ENTPD7: variants seen among roughly 807,000 people sequenced by gnomAD.
ENTPD7 encodes ectonucleoside triphosphate diphosphohydrolase 7.
A neutral mutation model predicts 77.9 loss-of-function variants in ENTPD7; 53 were observed. That is an observed-to-expected ratio of 0.68 (90% CI 0.55 to 0.85). ENTPD7 has a LOEUF of 0.85. Ranked by LOEUF, ENTPD7 falls within the 40% of genes least tolerant of loss-of-function variation. The pLI, the probability that ENTPD7 is intolerant of heterozygous loss-of-function variation, is 0.00. For missense variants in ENTPD7, 636 were observed against 743.7 expected (o/e 0.86, Z 1.68); for synonymous variants, 248 against 274.9 (o/e 0.90, Z 0.97).
intron 3 of ENTPD7, among the ~76,000 whole-genome samples, chr10:99,661,968 A>G (rs369992348): frequency 8.6e-4 from 131 of 152,308 alleles, no homozygotes; most frequent in African/African-American, 2.6e-3. Context: ...TTGCTCTGAA[A>G]TCTACTAGTC....
chr10:99,678,329 G>A (rs1182859654), intron 3 of ENTPD7, among the ~76,000 whole-genome samples: 6 of 151,774 alleles, frequency 4.0e-5, no homozygotes, highest in African/African-American at 7.2e-5. Flanking sequence ...TTAGCCAGGC[G>A]TGGTGGCGGG....
chr10:99,709,173 C>G lies in ENTPD7; in HGVS notation c.*4490C>G. 1 of 985,298 alleles carries G rather than the reference C, an allele frequency of 1.0e-6. No homozygotes were observed. The highest frequency in any genetic ancestry group is 6.1e-5 in the Admixed American group (1 of 16,280). The allele number at this position is 985,298 out of a possible 1,614,324, so 61.0% of individuals were successfully genotyped here. Reference sequence around the variant, plus strand: ...TACAGCCTAGATGAAGGTATAAATGCCTATTACATCTACCTCATTAAAGAA... The same window carrying G: ...TACAGCCTAGATGAAGGTATAAATGGCTATTACATCTACCTCATTAAAGAA... On this transcript the variant is annotated 3_prime_UTR_variant, in exon 13 of 13. Transcript: ENST00000370489.
chr10:99,672,657 C>T (rs908025081), intron 3 of ENTPD7, among the ~76,000 whole-genome samples: 7 of 152,146 alleles, frequency 4.6e-5, no homozygotes, highest in Admixed American at 2.6e-4. Context: ...TATAGATGTT[C>T]CTGACTGCTC....
At chr10:99,680,848 A>G (rs2035744769) in intron 5 of ENTPD7, among the ~76,000 whole-genome samples, 1 of 152,164 alleles carries the variant, frequency 6.6e-6, no homozygotes, top group Non-Finnish European at 1.5e-5. Context: ...GAGCGCTGGG[A>G]TTTCAAGCGT....
chr10:99,707,653 G>T lies in ENTPD7; in HGVS notation c.*2970G>T, dbSNP rs538549571. ...GAACCTGAACTGTTTTAGGACTCTT[G>T]TTATTACTGAGACAGGTCACAAACA... On this transcript the variant is annotated 3_prime_UTR_variant, in exon 13 of 13. Transcript: ENST00000370489. Among the ~76,000 whole-genome samples, 4 of 152,302 alleles carry T rather than the reference G, an allele frequency of 2.6e-5. No individual in the cohort carries two copies. The South Asian group carries it at 8.3e-4, about 32-fold the overall frequency.
At chr10:99,680,289 C>G (rs2035736266) in intron 5 of ENTPD7, among the ~76,000 whole-genome samples, 1 of 152,162 alleles carries the variant, frequency 6.6e-6, no homozygotes, top group African/African-American at 2.4e-5. Context: ...TACTGCAAAG[C>G]TCAGTCTCCA....
chr10:99,704,613 C>T lies in ENTPD7; in HGVS notation c.1745C>T (p.Ala582Val). 6.2e-7 allele frequency: 1 copy of T among 1,614,190 alleles called. No homozygotes were observed. The highest frequency in any genetic ancestry group is 8.5e-7 in the Non-Finnish European group (1 of 1,180,038). The change falls in exon 13 of 13, where the codon GCC becomes GTC. Residue 582 changes from alanine (A) to valine (V), a missense_variant. Physicochemically the swap from Ala to Val is moderately conservative, Grantham distance 64 (BLOSUM62 0). Transcript: ENST00000370489. ...LRRIHHRQTRASAPLDLLWLE... is the reference protein window; with the variant it reads ...LRRIHHRQTRVSAPLDLLWLE... ...CGAATTCACCACCGACAAACACGAG[C>T]CTCAGCTCCATTGGACTTGCTGTGG...
At chr10:99,664,740 T>C (rs2035528482) in intron 3 of ENTPD7, among the ~76,000 whole-genome samples, 1 of 151,514 alleles carries the variant, frequency 6.6e-6, no homozygotes, top group Non-Finnish European at 1.5e-5. Context: ...TGAGCCACCA[T>C]GCCTGGCCTA....
intron 3 of ENTPD7, among the ~76,000 whole-genome samples, chr10:99,665,024 G>T (rs1330676153): frequency 6.6e-6 from 1 of 151,946 alleles, no homozygotes; most frequent in Non-Finnish European, 1.5e-5. Context: ...GCGGAGGCAG[G>T]TGGATTGCAC....
intron 6 of ENTPD7, among the ~76,000 whole-genome samples, chr10:99,688,461 C>A (rs1304110846): frequency 6.6e-6 from 1 of 152,030 alleles, no homozygotes; most frequent in East Asian, 1.9e-4. Context: ...ACTTCTTAGA[C>A]ATTTGTTATA....
intron 5 of ENTPD7, among the ~76,000 whole-genome samples, chr10:99,684,683 T>C (rs1444696033): frequency 6.6e-6 from 1 of 152,244 alleles, no homozygotes; most frequent in African/African-American, 2.4e-5. Context: ...TGAATATTTT[T>C]TAATCCAAGA....
rs190725013 is a variant in ENTPD7 at position 99,706,224 on chromosome 10, A to C, written c.*1541A>C. 3.5e-4 allele frequency: 53 copies of C among 152,370 alleles called. No individual in the cohort carries two copies. The highest frequency in any genetic ancestry group is 6.2e-4 in the Non-Finnish European group (42 of 68,036). 9.4% of individuals were successfully genotyped at this position (152,370 alleles called of 1,614,324 possible). A position where few individuals can be genotyped will look rare whatever the true frequency, so the allele number is the denominator to read the frequency against. On this transcript the variant is annotated 3_prime_UTR_variant, in exon 13 of 13. Transcript: ENST00000370489. ...AGAAATTAAGATCATCCTAGAAATA[A>C]ACTAAGATAAAAATAAGTATACTGA... is the stretch of plus-strand genomic sequence containing the variant.
chr10:99,710,495 A>G lies in ENTPD7; in HGVS notation c.*5812A>G, dbSNP rs2036347091. On this transcript the variant is annotated 3_prime_UTR_variant, in exon 13 of 13. Coordinates refer to ENST00000370489, the MANE Select transcript of ENTPD7 (RefSeq NM_020354.5). Reference sequence around the variant, plus strand: ...CTGCCTGTATTACATTGCTTTGGGGAGTTGTTAAGACTCTGTTTTTTCTAC... The same window carrying G: ...CTGCCTGTATTACATTGCTTTGGGGGGTTGTTAAGACTCTGTTTTTTCTAC... The G allele has an allele frequency of 1.0e-6, 1 of 985,220 alleles. No individual in the cohort carries two copies. Among genetic ancestry groups the G allele is most frequent in the Non-Finnish European group, 1.2e-6 (1 of 829,924 alleles). 61.0% of individuals were successfully genotyped at this position (985,220 alleles called of 1,614,324 possible).
chr10:99,695,531 A>G (rs1248398772), intron 8 of ENTPD7, among the ~76,000 whole-genome samples: 1 of 151,836 alleles, frequency 6.6e-6, no homozygotes, highest in Non-Finnish European at 1.5e-5. Context: ...AAAAAAAAAA[A>G]GAAAAGAAAA....
chr10:99,675,032 A>G (rs1012753365), intron 3 of ENTPD7, among the ~76,000 whole-genome samples: 27 of 152,234 alleles, frequency 1.8e-4, no homozygotes, highest in Admixed American at 7.9e-4. Context: ...TTTTTGAATT[A>G]TGAGGTAAAC....
At chr10:99,674,557 C>G (rs2035657080) in intron 3 of ENTPD7, among the ~76,000 whole-genome samples, 2 of 152,092 alleles carry the variant, frequency 1.3e-5, no homozygotes, top group African/African-American at 4.8e-5. Context: ...CAGTATTTGT[C>G]TTTTTGTGCC....
intron 9 of ENTPD7, 144 bp downstream of exon 9, chr10:99,696,266 T>A: frequency 1.1e-6 from 1 of 930,908 alleles, no homozygotes. Context: ...TAGCATCTCT[T>A]AAAGACCTCT....
At chr10:99,661,385 C>A (rs753563154) in intron 2 of ENTPD7, 61 bp from the exon 3 acceptor site, 1 of 1,425,504 alleles carries the variant, frequency 7.0e-7, no homozygotes, top group African/African-American at 1.4e-5. Flanking sequence ...AATTTTAAAA[C>A]GATATTTAAG....
intron 3 of ENTPD7, among the ~76,000 whole-genome samples, chr10:99,674,149 A>G (rs2035652023): frequency 6.6e-6 from 1 of 152,190 alleles, no homozygotes; most frequent in African/African-American, 2.4e-5. Context: ...GGAGAGGGGA[A>G]GGAGTAGGTA....
Sources: allele counts gnomAD v4.1 joint callset (sites outside exome capture counted in the v4.1 genomes callset), GRCh38; gene constraint gnomAD v4.1.1; transcripts MANE v1.5; gene names NCBI Gene and HGNC (gene_info 2026-07-23, HGNC 2026-07-21).